The following PDE8B variants were observed in gnomAD, a reference collection of about 807,000 sequenced individuals.
PDE8B encodes phosphodiesterase 8B, also known as high affinity cAMP-specific and IBMX-insensitive 3',5'-cyclic phosphodiesterase 8B.
Under a neutral mutation model 101.3 loss-of-function variants are expected in PDE8B, and 26 were observed. The observed-to-expected ratio is 0.26, with a 90% CI of 0.19 to 0.36. The LOEUF (loss-of-function observed/expected upper bound fraction) is 0.36, where lower values mean the gene tolerates loss of function less well. Ranked by LOEUF, PDE8B falls within the 10% of genes least tolerant of loss-of-function variation. PDE8B has a pLI of 1.00. For synonymous variants in PDE8B, 424 were observed against 429.3 expected (o/e 0.99, Z 0.15); for missense variants, 810 against 1,163.1 (o/e 0.70, Z 4.42).
At chr5:77,424,111 G>C (rs1797367462) in intron 20 of PDE8B, among the ~76,000 whole-genome samples, 1 of 152,124 alleles carries the variant, frequency 6.6e-6, no homozygotes, top group African/African-American at 2.4e-5. Flanking sequence ...AGGGAGTGAG[G>C]ATCAAATGAC....
intron 1 of PDE8B, among the ~76,000 whole-genome samples, chr5:77,298,689 A>G (rs1479597): frequency 0.022 from 3,277 of 152,304 alleles, 128 homozygotes; most frequent in African/African-American, 0.075. Context: ...TATTTTAGCC[A>G]TCTGACTGTC....
intron 1 of PDE8B, among the ~76,000 whole-genome samples, chr5:77,285,741 G>C (rs969080383): frequency 2.0e-5 from 3 of 148,418 alleles, no homozygotes; most frequent in African/African-American, 7.6e-5. Flanking sequence ...TAGGCATTTT[G>C]ATACTGCCCA....
chr5:77,268,097 G>A (rs1251378804), intron 1 of PDE8B, among the ~76,000 whole-genome samples: 1 of 151,800 alleles, frequency 6.6e-6, no homozygotes, highest in Non-Finnish European at 1.5e-5. Flanking sequence ...GAATGGGGAG[G>A]TGATTTGGTG....
chr5:77,288,680 T>C (rs1488440844), intron 1 of PDE8B, among the ~76,000 whole-genome samples: 1 of 152,156 alleles, frequency 6.6e-6, no homozygotes, highest in Non-Finnish European at 1.5e-5. Flanking sequence ...GGGTATTAAG[T>C]TTGACAGTTG....
intron 1 of PDE8B, among the ~76,000 whole-genome samples, chr5:77,250,607 T>A (rs545354834): frequency 6.6e-6 from 1 of 152,326 alleles, no homozygotes; most frequent in South Asian, 2.1e-4. Context: ...CATGTGACGA[T>A]GACTTTTGTA....
the PDE8B span, among the ~76,000 whole-genome samples, chr5:77,172,747 G>A: frequency 6.6e-6 from 1 of 152,196 alleles, no homozygotes; most frequent in Non-Finnish European, 1.5e-5. Flanking sequence ...CAGTACCAGT[G>A]CTGACTAGGG....
chr5:77,362,074 A>G (rs1783197765), intron 10 of PDE8B, among the ~76,000 whole-genome samples: 1 of 152,214 alleles, frequency 6.6e-6, no homozygotes, highest in South Asian at 2.1e-4. Context: ...CAGATAGTAA[A>G]CATTAGGCCT....
Position 77,426,595 on chromosome 5 carries a change from C to T in PDE8B, c.*41C>T. The T allele has an allele frequency of 9.8e-7, 1 of 1,018,566 alleles. No individual in the cohort carries two copies. Among genetic ancestry groups the T allele is most frequent in the Non-Finnish European group, 1.6e-6 (1 of 638,984 alleles). 63.1% of individuals were successfully genotyped at this position (1,018,566 alleles called of 1,614,324 possible). ...GGGGCCTCTTGACCGACAAAGGACA[C>T]TGTGAATCACAGTAGCGTAAACGAG... On this transcript the variant is annotated 3_prime_UTR_variant, in exon 22 of 22. Coordinates refer to ENST00000264917, the MANE Select transcript of PDE8B (RefSeq NM_003719.5).
chr5:77,353,862 A>G (rs1206607909), intron 10 of PDE8B, among the ~76,000 whole-genome samples: 2 of 152,220 alleles, frequency 1.3e-5, no homozygotes, highest in African/African-American at 4.8e-5. Flanking sequence ...ATCTGCAGTA[A>G]CAGAATTTTA....
At chr5:77,274,253 T>C (rs923356723) in intron 1 of PDE8B, among the ~76,000 whole-genome samples, 3 of 152,204 alleles carry the variant, frequency 2.0e-5, no homozygotes, top group African/African-American at 7.2e-5. Flanking sequence ...AGGGAGGTAT[T>C]ATTATTTGCA....
intron 1 of PDE8B, among the ~76,000 whole-genome samples, chr5:77,284,654 C>T (rs1765645008): frequency 6.6e-6 from 1 of 152,192 alleles, no homozygotes; most frequent in Admixed American, 6.5e-5. Context: ...TAGCTCCCTC[C>T]CTTTCTATTC....
the PDE8B span, among the ~76,000 whole-genome samples, chr5:77,142,491 G>C: frequency 2.6e-5 from 4 of 152,106 alleles, no homozygotes; most frequent in Admixed American, 2.6e-4. Context: ...TATCACTATA[G>C]ATTAGTTTTA....
intron 1 of PDE8B, among the ~76,000 whole-genome samples, chr5:77,273,083 A>G (rs1380309766): frequency 1.3e-5 from 2 of 152,184 alleles, no homozygotes; most frequent in African/African-American, 4.8e-5. Context: ...TGTATTCATT[A>G]TAGCTGATTA....
chr5:77,101,135 GTT>G, the PDE8B span, among the ~76,000 whole-genome samples: 2 of 133,238 alleles, frequency 1.5e-5, no homozygotes, highest in Non-Finnish European at 1.6e-5. Flanking sequence ...ACGCCTGCCT[GTT>G]TTTTTTTTTT....
intron 19 of PDE8B, among the ~76,000 whole-genome samples, chr5:77,421,441 A>AT (rs957383741): frequency 7.9e-5 from 12 of 152,292 alleles, no homozygotes; most frequent in Middle Eastern, 3.4e-3. Context: ...GCTTTTACAC[A>AT]TTTTTTTAAA....
rs529321341 is a variant in PDE8B at position 77,241,675 on chromosome 5, A to G, written c.339+30411A>G. 2.6e-5 allele frequency among the ~76,000 whole-genome samples: 4 copies of G among 152,318 alleles called. No individual in the cohort carries two copies. The South Asian group carries it at 8.3e-4, about 32-fold the overall frequency. On this transcript the variant is annotated intron_variant, in intron 1 of 21. Coordinates refer to ENST00000264917, the MANE Select transcript of PDE8B (RefSeq NM_003719.5). ...AGTCTGGGTGCCAAGGCCAGTTCCCAGCCACCATTCCTCCCTCTCTCATGA... is the reference window on the plus strand; with the variant it reads ...AGTCTGGGTGCCAAGGCCAGTTCCCGGCCACCATTCCTCCCTCTCTCATGA...
At chr5:77,182,651 C>T in the PDE8B span, among the ~76,000 whole-genome samples, 1 of 152,180 alleles carries the variant, frequency 6.6e-6, no homozygotes, top group African/African-American at 2.4e-5. Flanking sequence ...GTCAACTTCT[C>T]AGAAAAGCAG....
intron 5 of PDE8B, among the ~76,000 whole-genome samples, chr5:77,332,142 A>G (rs1285517371): frequency 6.6e-6 from 1 of 152,192 alleles, no homozygotes; most frequent in Non-Finnish European, 1.5e-5. Context: ...GAAAGAGAAG[A>G]AAGGGAGGAG....
In PDE8B at chr5:77,349,587, C is replaced by T. The variant is rs2306342; in HGVS notation, c.1017+28C>T. On this transcript the variant is annotated intron_variant, in intron 8 of 21. Coordinates refer to ENST00000264917, the MANE Select transcript of PDE8B (RefSeq NM_003719.5). Reference sequence around the variant, plus strand: ...GGGTTACACCAGCAAAACCAATCCACGAACCCTCTCCCCAATGCACTTTTT... The same window carrying T: ...GGGTTACACCAGCAAAACCAATCCATGAACCCTCTCCCCAATGCACTTTTT... 7,560 of 1,613,406 alleles carry T rather than the reference C, an allele frequency of 4.7e-3. 44 individuals carry two copies. Among genetic ancestry groups the T allele is most frequent in the East Asian group, 0.017 (767 of 44,878 alleles).
Sources: allele counts gnomAD v4.1 joint callset (sites outside exome capture counted in the v4.1 genomes callset), GRCh38; gene constraint gnomAD v4.1.1; transcripts MANE v1.5; gene names NCBI Gene and HGNC (gene_info 2026-07-23, HGNC 2026-07-21).